The following VMP1 variants were observed in gnomAD, a reference collection of about 807,000 sequenced individuals.
The protein encoded by VMP1 is ectopic P-granules autophagy protein 3 homolog.
In VMP1, 11 loss-of-function variants were observed where a neutral mutation model predicts 56.0. The observed-to-expected ratio is 0.20, with a 90% CI of 0.12 to 0.32. VMP1 has a LOEUF of 0.32. Among genes scored for constraint, VMP1 ranks in the 10% least tolerant of loss-of-function variants. The pLI is 1.00. For missense variants in VMP1, 296 were observed against 490.3 expected (o/e 0.60, Z 3.74); for synonymous variants, 149 against 165.0 (o/e 0.90, Z 0.74).
At chr17:59,839,516 C>T (rs1004802057) in intron 11 of VMP1, 6 of 431,486 alleles carry the variant, frequency 1.4e-5, no homozygotes, top group Non-Finnish European at 2.4e-5. Context: ...AGTAGAAGAG[C>T]TAACCTCACA....
At chr17:59,789,354 G>A (rs1476714632) in intron 7 of VMP1, among the ~76,000 whole-genome samples, 2 of 150,924 alleles carry the variant, frequency 1.3e-5, no homozygotes, top group African/African-American at 4.9e-5. Flanking sequence ...GGCCAATATG[G>A]TGAAACCCCA....
At chr17:59,812,722 G>A (rs1862156807) in intron 9 of VMP1, among the ~76,000 whole-genome samples, 1 of 151,856 alleles carries the variant, frequency 6.6e-6, no homozygotes, top group African/African-American at 2.4e-5. Context: ...CATGAGGTCA[G>A]GAGATCGAGA....
chr17:59,810,803 A>T (rs926341266), intron 8 of VMP1, among the ~76,000 whole-genome samples: 13 of 152,266 alleles, frequency 8.5e-5, no homozygotes, highest in African/African-American at 3.1e-4. Flanking sequence ...ATGAAATTAT[A>T]TAAATTAATT....
In VMP1 at chr17:59,796,776, G is replaced by A. The variant is rs112392723; in HGVS notation, c.715-12020G>A. ...ATTCTTTAGAACCATCTGTACAAAA[G>A]GAAAATCATTTAGATTTTTTTCAAT... On this transcript the variant is annotated intron_variant, in intron 7 of 11. Coordinates refer to ENST00000262291, the MANE Select transcript of VMP1 (RefSeq NM_030938.5). Among the ~76,000 whole-genome samples, 438 of 152,154 alleles carry A rather than the reference G, an allele frequency of 2.9e-3. 4 individuals are homozygous for A. The highest frequency in any genetic ancestry group is 9.5e-3 in the African/African-American group (395 of 41,490).
At chr17:59,795,364 G>A (rs550918964) in intron 7 of VMP1, among the ~76,000 whole-genome samples, 207 of 151,808 alleles carry the variant, frequency 1.4e-3, no homozygotes, top group African/African-American at 4.7e-3. Flanking sequence ...TGATCCATCC[G>A]CCTCAGCCTC....
chr17:59,715,474 G>C (rs1277546418), intron 1 of VMP1, among the ~76,000 whole-genome samples: 1 of 152,132 alleles, frequency 6.6e-6, no homozygotes, highest in Non-Finnish European at 1.5e-5. Flanking sequence ...ACTATCATGA[G>C]AACAGCATGG....
intron 5 of VMP1, among the ~76,000 whole-genome samples, chr17:59,745,554 G>A (rs1484249674): frequency 2.0e-5 from 3 of 152,100 alleles, no homozygotes; most frequent in Non-Finnish European, 4.4e-5. Flanking sequence ...TTGCTGATTA[G>A]TGATCAACAG....
At chr17:59,792,805 C>G (rs1437144049) in intron 7 of VMP1, among the ~76,000 whole-genome samples, 1 of 150,624 alleles carries the variant, frequency 6.6e-6, no homozygotes, top group Admixed American at 6.6e-5. Flanking sequence ...GCCGAGATCA[C>G]GCCATTGCAC....
chr17:59,836,790 G>A (rs1441632048), intron 10 of VMP1, among the ~76,000 whole-genome samples: 1 of 148,890 alleles, frequency 6.7e-6, no homozygotes, highest in Non-Finnish European at 1.5e-5. Flanking sequence ...TAGATAAAAA[G>A]GATTAAAGAA....
At chr17:59,753,893 G>T (rs923011829) in intron 5 of VMP1, among the ~76,000 whole-genome samples, 1 of 152,152 alleles carries the variant, frequency 6.6e-6, no homozygotes, top group Non-Finnish European at 1.5e-5. Flanking sequence ...AAGTAGAAAA[G>T]TTGGGAACTA....
At chr17:59,808,962 C>G in intron 8 of VMP1, 86 bp downstream of exon 8, 1 of 1,087,292 alleles carries the variant, frequency 9.2e-7, no homozygotes, top group Non-Finnish European at 1.3e-6. Flanking sequence ...AACAAAAGTG[C>G]TATCACTTTT....
intron 6 of VMP1, among the ~76,000 whole-genome samples, chr17:59,769,312 C>T (rs2036346791): frequency 1.3e-5 from 2 of 151,596 alleles, no homozygotes; most frequent in South Asian, 2.1e-4. Flanking sequence ...CCACCATGCC[C>T]AGCTAATTTT....
intron 5 of VMP1, among the ~76,000 whole-genome samples, chr17:59,748,994 G>A (rs2035539302): frequency 6.6e-6 from 1 of 150,438 alleles, no homozygotes; most frequent in Non-Finnish European, 1.5e-5. Context: ...CTGGATCCCA[G>A]GCTGGAGTGC....
intron 5 of VMP1, among the ~76,000 whole-genome samples, chr17:59,763,626 C>G (rs984848831): frequency 6.6e-6 from 1 of 152,012 alleles, no homozygotes; most frequent in South Asian, 2.1e-4. Context: ...TAACATCAAA[C>G]AAAATTTTAT....
At chr17:59,755,914 C>G (rs2035824688) in intron 5 of VMP1, among the ~76,000 whole-genome samples, 1 of 151,788 alleles carries the variant, frequency 6.6e-6, no homozygotes. Context: ...AATATTTTTT[C>G]TTAGTAGAGA....
At chr17:59,798,399 G>GACCT (rs1163620068) in intron 7 of VMP1, among the ~76,000 whole-genome samples, 1 of 152,168 alleles carries the variant, frequency 6.6e-6, no homozygotes, top group Non-Finnish European at 1.5e-5. Context: ...AGCATCATGA[G>GACCT]ACCTACTACA....
At chr17:59,773,419 A>G (rs957033880) in intron 6 of VMP1, among the ~76,000 whole-genome samples, 6 of 149,190 alleles carry the variant, frequency 4.0e-5, no homozygotes, top group Non-Finnish European at 8.9e-5. Context: ...TTTTTTTCAT[A>G]GACAGGAATC....
At chr17:59,830,954 A>C (rs1398351275) in intron 10 of VMP1, among the ~76,000 whole-genome samples, 2 of 152,082 alleles carry the variant, frequency 1.3e-5, no homozygotes, top group Non-Finnish European at 2.9e-5. Context: ...CAGCCTCTTG[A>C]GTAACTAGGA....
At chr17:59,718,655 C>T (rs1024158865) in intron 1 of VMP1, among the ~76,000 whole-genome samples, 1 of 152,010 alleles carries the variant, frequency 6.6e-6, no homozygotes, top group African/African-American at 2.4e-5. Context: ...ATGCACATAC[C>T]ACCACACCTG....
Sources: allele counts gnomAD v4.1 joint callset (sites outside exome capture counted in the v4.1 genomes callset), GRCh38; gene constraint gnomAD v4.1.1; transcripts MANE v1.5; gene names NCBI Gene and HGNC (gene_info 2026-07-23, HGNC 2026-07-21).